Variants in UNC13C observed in about 807,000 individuals in gnomAD.
UNC13C encodes the protein protein unc-13 homolog C.
A neutral mutation model predicts 245.4 loss-of-function variants in UNC13C; 174 were observed. The ratio of observed to expected loss-of-function variants is 0.71; its 90% CI spans 0.63 to 0.80. The LOEUF (loss-of-function observed/expected upper bound fraction) is 0.80. UNC13C is among the 30% of genes least tolerant of loss of function. The pLI is 0.00. For synonymous variants in UNC13C, 992 were observed against 895.1 expected (o/e 1.11, Z -1.93); for missense variants, 2,829 against 2,602.9 (o/e 1.09, Z -1.89).
At chr15:54,559,527 G>C (rs1167327623) in intron 29 of UNC13C, among the ~76,000 whole-genome samples, 1 of 152,030 alleles carries the variant, frequency 6.6e-6, no homozygotes, top group Non-Finnish European at 1.5e-5. Flanking sequence ...GCTTACTGTA[G>C]GTAGAAAATA....
At chr15:54,296,302 A>G (rs1236132725) in intron 11 of UNC13C, among the ~76,000 whole-genome samples, 2 of 150,728 alleles carry the variant, frequency 1.3e-5, no homozygotes, top group African/African-American at 2.4e-5. Flanking sequence ...CCAGGTTCAC[A>G]CCATTCTGCT....
At chr15:54,134,188 A>G (rs770239365) in intron 2 of UNC13C, among the ~76,000 whole-genome samples, 5 of 151,808 alleles carry the variant, frequency 3.3e-5, no homozygotes, top group Non-Finnish European at 7.4e-5. Context: ...TTATAACTGA[A>G]AGTTTGTACA....
chr15:53,932,537 C>A, the UNC13C span, among the ~76,000 whole-genome samples: 1 of 152,130 alleles, frequency 6.6e-6, no homozygotes, highest in Admixed American at 6.5e-5. Context: ...ATGCTTTTTA[C>A]CCAAGGCAAT....
intron 1 of UNC13C, among the ~76,000 whole-genome samples, chr15:53,991,364 C>A (rs997259475): frequency 6.6e-6 from 1 of 151,932 alleles, no homozygotes; most frequent in African/African-American, 2.4e-5. Context: ...GTAAACATAT[C>A]AAAAATCATG....
chr15:54,221,303 C>A (rs887492551), intron 4 of UNC13C, among the ~76,000 whole-genome samples: 1 of 151,578 alleles, frequency 6.6e-6, no homozygotes, highest in Non-Finnish European at 1.5e-5. Context: ...AATATGAAAT[C>A]AAAAAATCGT....
chr15:54,006,886 T>A (rs1216372588), intron 1 of UNC13C, among the ~76,000 whole-genome samples: 1 of 152,196 alleles, frequency 6.6e-6, no homozygotes, highest in Non-Finnish European at 1.5e-5. Flanking sequence ...ACTTGGTCGG[T>A]GTGCTGCTCA....
chr15:54,134,112 A>G (rs577549870), intron 2 of UNC13C, among the ~76,000 whole-genome samples: 8 of 150,664 alleles, frequency 5.3e-5, no homozygotes, highest in African/African-American at 2.0e-4. Flanking sequence ...ACATTTCGAG[A>G]AAACAATGTA....
intron 2 of UNC13C, among the ~76,000 whole-genome samples, chr15:54,053,426 T>C (rs1481774720): frequency 6.6e-6 from 1 of 152,220 alleles, no homozygotes; most frequent in Non-Finnish European, 1.5e-5. Flanking sequence ...ACAAATAACC[T>C]GAGTGTCGCA....
In UNC13C at chr15:54,360,215, A is replaced by G. The variant is rs574824018; in HGVS notation, c.4713+21726A>G. On this transcript the variant is annotated intron_variant, in intron 17 of 32. Transcript: ENST00000260323. ...AAAATTTAGTAAGACCTGTTCTGTGACCTAACATATGATTTGTACTGGAGA... is the reference window on the plus strand; with the variant it reads ...AAAATTTAGTAAGACCTGTTCTGTGGCCTAACATATGATTTGTACTGGAGA... Among the ~76,000 whole-genome samples, 5 of 152,086 alleles carry G rather than the reference A, an allele frequency of 3.3e-5. No homozygotes were observed. The East Asian group carries it at 7.7e-4, about 23-fold the overall frequency.
chr15:54,539,952 G>A (rs552924647), intron 26 of UNC13C, among the ~76,000 whole-genome samples: 12 of 152,094 alleles, frequency 7.9e-5, no homozygotes, highest in Admixed American at 2.0e-4. Flanking sequence ...AAGAGATAAC[G>A]TATAAAGTTA....
At chr15:54,213,156 G>C (rs2034938292) in intron 4 of UNC13C, among the ~76,000 whole-genome samples, 1 of 151,876 alleles carries the variant, frequency 6.6e-6, no homozygotes, top group African/African-American at 2.4e-5. Context: ...AGTAAGAAGT[G>C]TTTTAAAAGA....
At chr15:54,521,135 T>C (rs962182908) in intron 24 of UNC13C, among the ~76,000 whole-genome samples, 1 of 152,174 alleles carries the variant, frequency 6.6e-6, no homozygotes, top group African/African-American at 2.4e-5. Context: ...ATAAGGCTTT[T>C]TCATGGAACT....
At chr15:54,376,584 G>T (rs932590332) in intron 17 of UNC13C, among the ~76,000 whole-genome samples, 3 of 152,114 alleles carry the variant, frequency 2.0e-5, no homozygotes, top group African/African-American at 7.2e-5. Context: ...TCATAGTTTG[G>T]GTTGTCCAAG....
intron 4 of UNC13C, among the ~76,000 whole-genome samples, chr15:54,197,469 A>C (rs894363935): frequency 6.6e-6 from 1 of 152,172 alleles, no homozygotes; most frequent in Middle Eastern, 3.2e-3. Context: ...TCTCAAAAAA[A>C]AAAAAAGAAA....
intron 13 of UNC13C, among the ~76,000 whole-genome samples, chr15:54,301,677 C>G (rs757620490): frequency 1.3e-5 from 2 of 152,132 alleles, no homozygotes; most frequent in Non-Finnish European, 2.9e-5. Context: ...TTTTCTTTAT[C>G]CAGTTTATCA....
At chr15:54,181,994 A>G (rs1595960827) in intron 4 of UNC13C, among the ~76,000 whole-genome samples, 1 of 151,948 alleles carries the variant, frequency 6.6e-6, no homozygotes, top group East Asian at 1.9e-4. Context: ...AGATAGTTTG[A>G]GTTCTTCTTT....
intron 29 of UNC13C, 42 bp downstream of exon 29, chr15:54,555,554 C>A: frequency 6.8e-7 from 1 of 1,465,236 alleles, no homozygotes; most frequent in East Asian, 2.3e-5. Flanking sequence ...AGAGAGGCCC[C>A]CATTTACCTC....
the UNC13C span, among the ~76,000 whole-genome samples, chr15:53,971,889 C>A: frequency 3.9e-5 from 6 of 151,910 alleles, no homozygotes; most frequent in East Asian, 1.2e-3. Context: ...ATTTTTAAGT[C>A]ATTTGGTTTT....
intron 30 of UNC13C, among the ~76,000 whole-genome samples, chr15:54,591,146 T>C (rs1898765141): frequency 6.6e-6 from 1 of 152,212 alleles, no homozygotes; most frequent in Non-Finnish European, 1.5e-5. Context: ...TGAAACCCAC[T>C]TGGATCATGG....
Sources: allele counts gnomAD v4.1 joint callset (sites outside exome capture counted in the v4.1 genomes callset), GRCh38; gene constraint gnomAD v4.1.1; transcripts MANE v1.5; gene names NCBI Gene and HGNC (gene_info 2026-07-23, HGNC 2026-07-21).